The following SAXO1 variants were observed in gnomAD, a reference collection of about 807,000 sequenced individuals.
The protein encoded by SAXO1 is 4930500O09Rik.
A neutral mutation model predicts 17.5 loss-of-function variants in SAXO1; 21 were observed. The observed-to-expected ratio is 1.20, with a 90% CI of 0.85 to 1.72. SAXO1 has a LOEUF of 1.72. SAXO1 is among the 40% of genes most tolerant of loss of function. SAXO1 has a pLI of 0.00. For missense variants in SAXO1, 843 were observed against 596.0 expected (o/e 1.41, Z -4.32); for synonymous variants, 274 against 216.5 (o/e 1.27, Z -2.33).
chr9:19,021,700 G>C (rs1215962401), intron 1 of SAXO1, among the ~76,000 whole-genome samples: 1 of 152,352 alleles, frequency 6.6e-6, no homozygotes, highest in African/African-American at 2.4e-5. Flanking sequence ...CTGAGCTTCT[G>C]GGTCAGGTGG....
chr9:19,023,426 T>C (rs926962802), intron 1 of SAXO1, among the ~76,000 whole-genome samples: 2 of 152,084 alleles, frequency 1.3e-5, no homozygotes, highest in Non-Finnish European at 2.9e-5. Context: ...AATAACTCTG[T>C]TGAGTCAGGT....
intron 1 of SAXO1, among the ~76,000 whole-genome samples, chr9:19,029,544 T>A (rs900630392): frequency 6.6e-6 from 1 of 151,950 alleles, no homozygotes; most frequent in Admixed American, 6.6e-5. Flanking sequence ...CCTCGCTCCA[T>A]CCCAACCGGT....
chr9:18,938,940 T>C (rs1180641323), intron 3 of SAXO1, among the ~76,000 whole-genome samples: 1 of 151,630 alleles, frequency 6.6e-6, no homozygotes, highest in Non-Finnish European at 1.5e-5. Context: ...ACCTCCTCCA[T>C]CCTTGCCAAC....
chr9:19,016,281 C>G (rs1174354218), intron 1 of SAXO1, among the ~76,000 whole-genome samples: 1 of 152,048 alleles, frequency 6.6e-6, no homozygotes, highest in East Asian at 1.9e-4. Flanking sequence ...ACTAAAAGTA[C>G]AAAAATTAGC....
intron 1 of SAXO1, among the ~76,000 whole-genome samples, chr9:18,987,588 C>G (rs986738333): frequency 6.6e-6 from 1 of 152,106 alleles, no homozygotes; most frequent in African/African-American, 2.4e-5. Context: ...TGTGGGTAAG[C>G]AAGAGCAAAA....
intron 3 of SAXO1, among the ~76,000 whole-genome samples, chr9:18,939,157 C>T: frequency 6.6e-6 from 1 of 152,296 alleles, no homozygotes; most frequent in South Asian, 2.1e-4. Context: ...CCCTTATTCC[C>T]TCCACCCATC....
chr9:18,972,973 G>A (rs1033398855), intron 1 of SAXO1, among the ~76,000 whole-genome samples: 4 of 152,054 alleles, frequency 2.6e-5, no homozygotes, highest in Non-Finnish European at 4.4e-5. Flanking sequence ...CAAAGGAAAA[G>A]TGAAAAAAAC....
At chr9:18,950,700 G>T (rs1298144035) in intron 2 of SAXO1, 58 bp downstream of exon 2, 1 of 1,462,224 alleles carries the variant, frequency 6.8e-7, no homozygotes, top group Non-Finnish European at 9.4e-7. Flanking sequence ...CATTAGCACT[G>T]CATGTTACTC....
At chr9:18,975,967 G>C (rs1354452454) in intron 1 of SAXO1, among the ~76,000 whole-genome samples, 1 of 152,182 alleles carries the variant, frequency 6.6e-6, no homozygotes, top group African/African-American at 2.4e-5. Context: ...CAGTACTTTA[G>C]CACCTCGGCA....
intron 1 of SAXO1, among the ~76,000 whole-genome samples, chr9:18,983,374 A>AC (rs1450149584): frequency 6.6e-6 from 1 of 152,080 alleles, no homozygotes; most frequent in African/African-American, 2.4e-5. Flanking sequence ...GGGGGAAACC[A>AC]CCCCATGATC....
chr9:19,034,130 G>T (rs1442880245), upstream of SAXO1, among the ~76,000 whole-genome samples: 1 of 152,164 alleles, frequency 6.6e-6, no homozygotes, highest in Non-Finnish European at 1.5e-5. Flanking sequence ...CCTGCTTATG[G>T]GAAATGGGAG....
chr9:18,938,761 G>T (rs1350028956), intron 3 of SAXO1, among the ~76,000 whole-genome samples: 1 of 151,452 alleles, frequency 6.6e-6, no homozygotes, highest in African/African-American at 2.4e-5. Context: ...GGGGAAAATG[G>T]CAGTGAAAGA....
chr9:19,018,839 G>C lies in SAXO1; in HGVS notation c.38+14032C>G, dbSNP rs112789163. Among the ~76,000 whole-genome samples, 12 of 152,318 alleles carry C rather than the reference G, an allele frequency of 7.9e-5. 1 individual carries two copies. Among genetic ancestry groups the C allele is most frequent in the African/African-American group, 2.9e-4 (12 of 41,562 alleles). ...TAAGAACCTTCTTATGCCGGGCATGGTGGCTTACACCTGTAATCCCAGCAC... is the reference window on the plus strand; with the variant it reads ...TAAGAACCTTCTTATGCCGGGCATGCTGGCTTACACCTGTAATCCCAGCAC... On this transcript the variant is annotated intron_variant, in intron 1 of 3. Transcript: ENST00000380534.
At position 19,049,088 on chromosome 9, in the gene SAXO1, T is replaced by C. The variant is rs1284664553; in HGVS notation, c.-158+121A>G. ...CTTTCCCTCCACTTCACCAGTCGGC[T>C]GCCCCTGCGGAAACCGGCCCGACAC... On this transcript the variant is annotated intron_variant, in intron 1 of 3. Transcript: ENST00000542071. The surrounding 1 kb of genome is among the most constrained non-coding windows in gnomAD (Gnocchi z 5.4). The C allele has an allele frequency of 1.3e-5, 2 of 152,592 alleles. No homozygotes were observed. Among genetic ancestry groups the C allele is most frequent in the African/African-American group, 4.8e-5 (2 of 41,466 alleles). The allele number at this position is 152,592 out of a possible 1,614,324, so 9.5% of individuals were successfully genotyped here.
rs373947590 is a variant in SAXO1, at chr9:18,987,224, A to T, written c.39-36287T>A. Among the ~76,000 whole-genome samples, 221 of 152,332 alleles carry T rather than the reference A, an allele frequency of 1.5e-3. 5 individuals carry two copies. In the South Asian group the frequency reaches 0.045, roughly 31 times the overall value. ...GCCAATTATCTCAGCACAGAGAAGA[A>T]CTGGGAAACTTCAGATCTCACCCCT... On this transcript the variant is annotated intron_variant, in intron 1 of 3. Coordinates refer to ENST00000380534, the MANE Select transcript of SAXO1 (RefSeq NM_153707.4).
At position 19,032,925 on chromosome 9, in the gene SAXO1, C is replaced by A; in HGVS notation, c.-17G>T. ...CGTCTTCATAGGGGCGATCCTGAGGCCCTGACGTCCCCTCAGAGCATCGCC... is the reference window on the plus strand; with the variant it reads ...CGTCTTCATAGGGGCGATCCTGAGGACCTGACGTCCCCTCAGAGCATCGCC... On this transcript the variant is annotated 5_prime_UTR_variant, in exon 1 of 4. Coordinates refer to ENST00000380534, the MANE Select transcript of SAXO1 (RefSeq NM_153707.4). 6.2e-7 allele frequency: 1 copy of A among 1,605,292 alleles called. No homozygotes were observed. The highest frequency in any genetic ancestry group is 2.2e-5 in the East Asian group (1 of 44,740).
At chr9:19,030,225 A>G (rs1472605527) in intron 1 of SAXO1, among the ~76,000 whole-genome samples, 1 of 152,188 alleles carries the variant, frequency 6.6e-6, no homozygotes, top group Admixed American at 6.5e-5. Context: ...AGGGGATGCC[A>G]AGAAACCTGA....
intron 1 of SAXO1, among the ~76,000 whole-genome samples, chr9:19,048,617 ATTG>A (rs1836277744): frequency 2.0e-5 from 3 of 152,366 alleles, no homozygotes; most frequent in East Asian, 3.9e-4. Context: ...AGGGTAGCCT[ATTG>A]TTAGGCAAAT....
At chr9:19,027,329 G>A in intron 1 of SAXO1, 2 of 798,676 alleles carry the variant, frequency 2.5e-6, no homozygotes, top group Non-Finnish European at 2.3e-6. Flanking sequence ...CAATCCTGGA[G>A]ACACTGCCCA....
Sources: gnomAD v4.1 joint callset for allele counts (sites outside exome capture counted in the v4.1 genomes callset) on GRCh38, gnomAD v4.1.1 for gene constraint, Gnocchi (gnomAD v3.1) non-coding constraint, MANE v1.5 for transcripts, NCBI Gene and HGNC (gene_info 2026-07-23, HGNC 2026-07-21) for gene names.